KCNJ16: variants seen among roughly 807,000 people sequenced by gnomAD.
The protein encoded by KCNJ16 is potassium inwardly rectifying channel subfamily J member 16, also known as inward rectifier potassium channel 16.
A neutral mutation model predicts 18.5 loss-of-function variants in KCNJ16; 15 were observed. That is an observed-to-expected ratio of 0.81 (90% CI 0.54 to 1.25). The LOEUF (loss-of-function observed/expected upper bound fraction) is 1.25, where lower values mean the gene tolerates loss of function less well. KCNJ16 is among the 50% of genes most tolerant of loss of function. The probability of loss-of-function intolerance (pLI) is 0.00; values close to 1 mark genes in which losing one functional copy is unlikely to be tolerated. For synonymous variants in KCNJ16, 174 were observed against 186.5 expected (o/e 0.93, Z 0.55); for missense variants, 523 against 525.7 (o/e 0.99, Z 0.05).
chr17:70,107,518 G>A (rs2072987143), intron 2 of KCNJ16, among the ~76,000 whole-genome samples: 1 of 152,012 alleles, frequency 6.6e-6, no homozygotes, highest in Admixed American at 6.6e-5. Context: ...CCTTGATCCA[G>A]TCTGAGTGTT....
At position 70,132,562 on chromosome 17, in the gene KCNJ16, A is replaced by C; in HGVS notation, c.475A>C (p.Ile159Leu). The C allele has an allele frequency of 2.5e-6, 4 of 1,614,216 alleles. No individual in the cohort carries two copies. Among genetic ancestry groups the C allele is most frequent in the Non-Finnish European group, 3.4e-6 (4 of 1,180,032 alleles). Residue 159 changes from isoleucine (I) to leucine (L), a missense_variant, in exon 4 of 4, where the codon ATC (isoleucine) becomes CTC (leucine). Coordinates refer to ENST00000392671, the MANE Select transcript of KCNJ16 (RefSeq NM_170741.4). ...MVILQSILSC[I>L]INTFIIGAAL... is the part of the protein sequence containing the mutation. ...GATCCTCCAGTCCATCTTAAGTTGC[A>C]TCATAAATACCTTTATCATTGGAGC...
intron 2 of KCNJ16, among the ~76,000 whole-genome samples, chr17:70,110,424 G>A (rs2073136668): frequency 1.3e-5 from 2 of 151,872 alleles, no homozygotes; most frequent in South Asian, 4.1e-4. Context: ...GAGGAGACTG[G>A]AATGTTGATC....
intron 2 of KCNJ16, chr17:70,128,998 C>G (rs1017724933): frequency 6.6e-6 from 1 of 152,330 alleles, no homozygotes; most frequent in Non-Finnish European, 1.5e-5. Flanking sequence ...GGGTACGTGT[C>G]TTCCGGGCAG....
At chr17:70,103,343 T>G (rs2072762700) in intron 2 of KCNJ16, among the ~76,000 whole-genome samples, 1 of 52,218 alleles carries the variant, frequency 1.9e-5, no homozygotes, top group African/African-American at 6.4e-5. Context: ...TATATATATT[T>G]TTTTGTCAAG....
chr17:70,086,138 T>C (rs1397594343), intron 1 of KCNJ16, among the ~76,000 whole-genome samples: 1 of 152,154 alleles, frequency 6.6e-6, no homozygotes, highest in Non-Finnish European at 1.5e-5. Flanking sequence ...AATATAAATA[T>C]TATACAAATA....
chr17:70,101,456 T>C (rs937189384), intron 2 of KCNJ16: 3 of 152,256 alleles, frequency 2.0e-5, no homozygotes, highest in African/African-American at 7.2e-5. Flanking sequence ...CATATCAATC[T>C]GCTAGGTTAA....
At chr17:70,108,169 T>C (rs1286785442) in intron 2 of KCNJ16, 1 of 152,370 alleles carries the variant, frequency 6.6e-6, no homozygotes, top group East Asian at 1.9e-4. Context: ...GCCAGGGCCA[T>C]GTTTTGACTA....
intron 1 of KCNJ16, among the ~76,000 whole-genome samples, chr17:70,099,597 C>A (rs965486454): frequency 3.9e-5 from 6 of 151,992 alleles, no homozygotes; most frequent in Non-Finnish European, 5.9e-5. Context: ...GGAGCTGGGG[C>A]AATAAATGCT....
At chr17:70,089,502 GTA>G (rs2071987879) in intron 1 of KCNJ16, among the ~76,000 whole-genome samples, 1 of 152,134 alleles carries the variant, frequency 6.6e-6, no homozygotes, top group African/African-American at 2.4e-5. Flanking sequence ...TTGTTTGTTT[GTA>G]TGTTTTAATA....
intron 2 of KCNJ16, among the ~76,000 whole-genome samples, chr17:70,124,502 T>C (rs199598734): frequency 7.2e-5 from 11 of 152,024 alleles, no homozygotes; most frequent in African/African-American, 2.7e-4. Flanking sequence ...GTAGAGGCTG[T>C]TGGGGGAAGT....
chr17:70,107,571 A>T (rs566757386), intron 2 of KCNJ16, among the ~76,000 whole-genome samples: 3 of 152,312 alleles, frequency 2.0e-5, no homozygotes, highest in African/African-American at 7.2e-5. Flanking sequence ...AATGAAAATG[A>T]AAACAGGTCA....
chr17:70,109,985 C>T (rs936329969), intron 2 of KCNJ16, among the ~76,000 whole-genome samples: 3 of 152,172 alleles, frequency 2.0e-5, no homozygotes, highest in African/African-American at 7.2e-5. Flanking sequence ...GATATACCCT[C>T]TTCAAAGGGG....
chr17:70,111,774 T>C (rs2073194918), intron 2 of KCNJ16, among the ~76,000 whole-genome samples: 1 of 152,094 alleles, frequency 6.6e-6, no homozygotes, highest in African/African-American at 2.4e-5. Context: ...GATGGTTTTA[T>C]AAGGGGAAAC....
chr17:70,085,057 T>C (rs1598089109), intron 1 of KCNJ16, among the ~76,000 whole-genome samples: 1 of 152,196 alleles, frequency 6.6e-6, no homozygotes, highest in Non-Finnish European at 1.5e-5. Context: ...CTCTGTATCA[T>C]GAAGATACTG....
chr17:70,086,585 G>T, intron 1 of KCNJ16, among the ~76,000 whole-genome samples: 1 of 152,120 alleles, frequency 6.6e-6, no homozygotes, highest in Non-Finnish European at 1.5e-5. Context: ...GCCTCTTGAA[G>T]AAATAGGATG....
intron 2 of KCNJ16, among the ~76,000 whole-genome samples, chr17:70,103,296 G>GTGTGTGTGTGTGTATATATATATATA (rs1408960241): frequency 4.2e-5 from 3 of 72,050 alleles, no homozygotes; most frequent in African/African-American, 1.3e-4. Context: ...ATGTGTGTGT[G>GTGTGTGTGTGTGTATATATATATATA]TATATATATA....
At chr17:70,113,256 T>A (rs972327633) in intron 2 of KCNJ16, among the ~76,000 whole-genome samples, 1 of 152,224 alleles carries the variant, frequency 6.6e-6, no homozygotes, top group Admixed American at 6.5e-5. Context: ...GGAAAAGTCT[T>A]AACCCTAGTC....
intron 1 of KCNJ16, among the ~76,000 whole-genome samples, chr17:70,089,047 T>C (rs925415005): frequency 1.2e-4 from 19 of 152,212 alleles, no homozygotes; most frequent in African/African-American, 3.6e-4. Flanking sequence ...TTTCTTTCTT[T>C]TGCTTTTCTC....
At position 70,116,878 on chromosome 17, in the gene KCNJ16, C is replaced by T. The variant is rs9893426; in HGVS notation, c.-190-14001C>T. On this transcript the variant is annotated intron_variant, in intron 2 of 3. Transcript: ENST00000392671. ...TGGGAATGTAAATTAGTTCAGCCAC[C>T]GTGGAAAGCAGTTTGGAGATTTCTC... is the stretch of plus-strand genomic sequence containing the variant. Among the ~76,000 whole-genome samples, 1,039 of 152,206 alleles carry T rather than the reference C, an allele frequency of 6.8e-3. 15 individuals are homozygous for T. The highest frequency in any genetic ancestry group is 0.021 in the African/African-American group (857 of 41,544).
Sources: gnomAD v4.1 joint callset for allele counts (sites outside exome capture counted in the v4.1 genomes callset) on GRCh38, gnomAD v4.1.1 for gene constraint, MANE v1.5 for transcripts, NCBI Gene and HGNC (gene_info 2026-07-23, HGNC 2026-07-21) for gene names.